ZGPAT: variants seen among roughly 807,000 people sequenced by gnomAD.
The protein encoded by ZGPAT is zinc finger CCCH-type and G-patch domain containing.
ZGPAT carries 39 observed loss-of-function variants against 47.9 expected under a neutral mutation model. The observed-to-expected ratio is 0.81, with a 90% CI of 0.63 to 1.06. The LOEUF (loss-of-function observed/expected upper bound fraction) is 1.06. ZGPAT is among the 50% of genes least tolerant of loss of function. ZGPAT has a pLI of 0.00. For synonymous variants in ZGPAT, 348 were observed against 292.9 expected, an observed-to-expected ratio of 1.19 and a Z score of -1.92; for missense variants, 717 against 681.4, an observed-to-expected ratio of 1.05 and a Z score of -0.58.
intron 2 of ZGPAT, among the ~76,000 whole-genome samples, chr20:63,715,393 C>G (rs1250759649): frequency 6.6e-6 from 1 of 152,002 alleles, no homozygotes; most frequent in East Asian, 1.9e-4. Flanking sequence ...GTGCCCGCCA[C>G]TATGCCCAGC....
At chr20:63,715,244 C>CTTTTTTTTTTTTTT (rs34013765) in intron 2 of ZGPAT, among the ~76,000 whole-genome samples, 1 of 136,748 alleles carries the variant, frequency 7.3e-6, no homozygotes, top group African/African-American at 2.7e-5. Context: ...TTTTCTTTTT[C>CTTTTTTTTTTTTTT]TTTTTTTTTT....
chr20:63,728,422 G>T (rs2091865417), intron 2 of ZGPAT, among the ~76,000 whole-genome samples: 1 of 152,200 alleles, frequency 6.6e-6, no homozygotes, highest in South Asian at 2.1e-4. Context: ...GGGCAAGAGG[G>T]TGTGCTCAAA....
At chr20:63,708,482 T>A in intron 1 of ZGPAT, 71 bp from the exon 2 acceptor site, 1 of 1,136,000 alleles carries the variant, frequency 8.8e-7, no homozygotes, top group Non-Finnish European at 1.2e-6. Flanking sequence ...GACGTGCCCG[T>A]GCCCGTGCCC....
chr20:63,723,051 C>T (rs1482950051), intron 2 of ZGPAT, among the ~76,000 whole-genome samples: 1 of 152,028 alleles, frequency 6.6e-6, no homozygotes, highest in Non-Finnish European at 1.5e-5. Context: ...TTCCATCCTC[C>T]CTCCTCCTAT....
chr20:63,730,922 T>TTCTCTCTCTCTCTCTC (rs33915732), intron 2 of ZGPAT, among the ~76,000 whole-genome samples: 29 of 124,640 alleles, frequency 2.3e-4, no homozygotes, highest in East Asian at 1.2e-3. Flanking sequence ...TTCCTCTTCA[T>TTCTCTCTCTCTCTCTC]TCTCTCTCTC....
At chr20:63,731,281 GTGA>G (rs1373581915) in intron 2 of ZGPAT, among the ~76,000 whole-genome samples, 1 of 146,456 alleles carries the variant, frequency 6.8e-6, no homozygotes, top group African/African-American at 2.4e-5. Flanking sequence ...GTCTGTGTGT[GTGA>G]TGTGTGTGAG....
At chr20:63,710,721 T>G (rs1242150236) in intron 2 of ZGPAT, among the ~76,000 whole-genome samples, 1 of 152,206 alleles carries the variant, frequency 6.6e-6, no homozygotes, top group Non-Finnish European at 1.5e-5. Flanking sequence ...TCTAACTGAT[T>G]AGGAAATTAC....
intron 2 of ZGPAT, among the ~76,000 whole-genome samples, chr20:63,712,556 C>A (rs2091679870): frequency 1.3e-5 from 2 of 152,288 alleles, no homozygotes; most frequent in Admixed American, 6.5e-5. Flanking sequence ...ATATGGATTG[C>A]ATAGAATGTG....
rs148025187 is a variant in ZGPAT, at chr20:63,709,147, C to T, written c.567C>T (p.Arg189=). 2.5e-5 allele frequency: 41 copies of T among 1,611,084 alleles called. No individual in the cohort carries two copies. In the East Asian group the frequency reaches 8.7e-4, roughly 34 times the overall value. The change falls in exon 2 of 7, where the codon CGC becomes CGT. Residue 189 remains arginine, a synonymous_variant. Coordinates refer to ENST00000355969, the MANE Select transcript of ZGPAT (RefSeq NM_181485.3). ...CGTTCTTCCTGGAGGGAAAGTGCCG[C>T]TTTAAGGAGAACTGCAGGTAAAGCC... is the stretch of plus-strand genomic sequence containing the variant. ...PCPFFLEGKC[R]FKENCRFSHG...
In ZGPAT at chr20:63,734,784, C is replaced by A; in HGVS notation, c.951C>A (p.Gly317=). 6.2e-7 allele frequency: 1 copy of A among 1,610,008 alleles called. No homozygotes were observed. Residue 317 remains glycine, a synonymous_variant, in exon 5 of 7, where the codon GGC becomes GGA. Transcript: ENST00000355969. ...AGWEVHTRGI[G]SRLLTKMGYE... ...GGGAGGTGCACACGCGAGGTATAGGCTCCAGACTCCTCACCAAGATGGGCT... is the reference window on the plus strand; with the variant it reads ...GGGAGGTGCACACGCGAGGTATAGGATCCAGACTCCTCACCAAGATGGGCT...
chr20:63,728,309 TAC>T (rs1489954451), intron 2 of ZGPAT, among the ~76,000 whole-genome samples: 1 of 152,184 alleles, frequency 6.6e-6, no homozygotes, highest in African/African-American at 2.4e-5. Flanking sequence ...GTGCTCGGAT[TAC>T]AGGTGTGAGC....
intron 2 of ZGPAT, among the ~76,000 whole-genome samples, chr20:63,719,214 C>T (rs1022385370): frequency 4.6e-5 from 7 of 152,180 alleles, no homozygotes; most frequent in African/African-American, 1.7e-4. Context: ...TGGGTTTCAG[C>T]AGTTTGATTA....
chr20:63,733,688 AC>A lies in ZGPAT; in HGVS notation c.821del (p.Thr274LysfsTer43). The A allele has an allele frequency of 6.2e-7, 1 of 1,613,912 alleles. No individual in the cohort carries two copies. Among genetic ancestry groups the A allele is most frequent in the Non-Finnish European group, 8.5e-7 (1 of 1,179,998 alleles). ...CCTGCCCCCACTGCGCACAGAGGCC[AC>A]AGAGTCCGACTCAGACAGCGACGGT... ...GILPPLRTEA[T>X]ESDSDSDGTG... On this transcript the variant is annotated frameshift_variant, in exon 4 of 7. Coordinates refer to ENST00000355969, the MANE Select transcript of ZGPAT (RefSeq NM_181485.3). LOFTEE classifies it high-confidence loss of function.
chr20:63,733,641 C>G lies in ZGPAT; in HGVS notation c.773C>G (p.Ala258Gly). Reference sequence around the variant, plus strand: ...TTTGACTCGCTGCTGCTGAGGGAGGCCGTGGTGGAGGGGGACGGCATCCTG... The same window carrying G: ...TTTGACTCGCTGCTGCTGAGGGAGGGCGTGGTGGAGGGGGACGGCATCCTG... ...VKFDSLLLRE[A>G]VVEGDGILPP... is the part of the protein sequence containing the mutation. Residue 258 changes from alanine (A) to glycine (G), a missense_variant, in exon 4 of 7, where the codon GCC becomes GGC. Ala to Gly is a moderately conservative substitution (Grantham distance 60, BLOSUM62 0). Transcript: ENST00000355969. The G allele has an allele frequency of 1.2e-6, 2 of 1,614,012 alleles. No individual in the cohort carries two copies. The highest frequency in any genetic ancestry group is 1.7e-6 in the Non-Finnish European group (2 of 1,180,030).
In ZGPAT at chr20:63,717,387, T is replaced by C. The variant is rs564832223; in HGVS notation, c.584+8223T>C. Reference sequence around the variant, plus strand: ...GCTGTTGAGATGGAGTCTCCCTCTGTCACCCAGACTGGAGTGCAGTGGCAT... The same window carrying C: ...GCTGTTGAGATGGAGTCTCCCTCTGCCACCCAGACTGGAGTGCAGTGGCAT... On this transcript the variant is annotated intron_variant, in intron 2 of 6. Coordinates refer to ENST00000355969, the MANE Select transcript of ZGPAT (RefSeq NM_181485.3). Among the ~76,000 whole-genome samples the C allele has an allele frequency of 3.4e-5, 5 of 145,982 alleles. No individual in the cohort carries two copies. In the Admixed American group the frequency reaches 3.5e-4, roughly 10 times the overall value.
At chr20:63,721,333 C>T (rs1184492765) in intron 2 of ZGPAT, among the ~76,000 whole-genome samples, 2 of 145,324 alleles carry the variant, frequency 1.4e-5, no homozygotes, top group Non-Finnish European at 1.5e-5. Context: ...GCCTGGGCAA[C>T]AGAGCGAGAC....
chr20:63,711,383 C>T (rs1411069172), intron 2 of ZGPAT, among the ~76,000 whole-genome samples: 2 of 152,164 alleles, frequency 1.3e-5, no homozygotes, highest in Non-Finnish European at 2.9e-5. Context: ...GTCACACCAT[C>T]TGACAGAGGA....
intron 2 of ZGPAT, among the ~76,000 whole-genome samples, chr20:63,710,881 G>T (rs908728424): frequency 6.6e-6 from 1 of 152,054 alleles, no homozygotes; most frequent in Non-Finnish European, 1.5e-5. Flanking sequence ...TTCCCTAAGC[G>T]CATAGCTTTA....
At position 63,708,637 on chromosome 20, in the gene ZGPAT, G is replaced by A. The variant is rs1442089945; in HGVS notation, c.57G>A (p.Gln19=). 1 of 1,612,074 alleles carries A rather than the reference G, an allele frequency of 6.2e-7. No individual in the cohort carries two copies. Among genetic ancestry groups the A allele is most frequent in the Non-Finnish European group, 8.5e-7 (1 of 1,179,514 alleles). Residue 19 remains glutamine (Q), a synonymous_variant, in exon 2 of 7, where the codon CAG becomes CAA. Transcript: ENST00000355969. ...ALQTYRAQLQ[Q]VELALGAGLD... The stretch of plus-strand genomic sequence containing the variant: ...AGACCTACCGTGCGCAGCTGCAGCA[G>A]GTGGAGCTGGCCTTGGGCGCCGGCC...
Sources: allele counts gnomAD v4.1 joint callset (sites outside exome capture counted in the v4.1 genomes callset), GRCh38; gene constraint gnomAD v4.1.1; transcripts MANE v1.5; gene names NCBI Gene and HGNC (gene_info 2026-07-23, HGNC 2026-07-21).